The following ACTR3C variants were observed in gnomAD, a reference collection of about 807,000 sequenced individuals.
ACTR3C encodes actin related protein 3C.
Under a neutral mutation model 26.3 loss-of-function variants are expected in ACTR3C, and 18 were observed. The ratio of observed to expected loss-of-function variants is 0.68; its 90% CI spans 0.47 to 1.01. The LOEUF is 1.01. ACTR3C is among the 50% of genes least tolerant of loss of function. ACTR3C has a pLI of 0.00. For missense variants in ACTR3C, 184 were observed against 250.7 expected, an observed-to-expected ratio of 0.73 and a Z score of 1.80; for synonymous variants, 55 against 94.5, an observed-to-expected ratio of 0.58 and a Z score of 2.42.
the ACTR3C span, among the ~76,000 whole-genome samples, chr7:150,009,492 A>C: frequency 6.6e-6 from 1 of 152,234 alleles, no homozygotes; most frequent in African/African-American, 2.4e-5. Flanking sequence ...ATGTGTGTCT[A>C]TATGTCTGTA....
the ACTR3C span, among the ~76,000 whole-genome samples, chr7:150,196,024 T>C: frequency 1.3e-5 from 2 of 152,260 alleles, no homozygotes; most frequent in African/African-American, 4.8e-5. Context: ...TCTCCTATTT[T>C]GTTCTTCAGC....
the ACTR3C span, among the ~76,000 whole-genome samples, chr7:150,161,252 A>C: frequency 7.7e-6 from 1 of 130,392 alleles, no homozygotes; most frequent in Admixed American, 7.8e-5. Context: ...TCTAGGGTAC[A>C]TGTGCACAAC....
chr7:150,026,941 T>C, the ACTR3C span, among the ~76,000 whole-genome samples: 20 of 152,230 alleles, frequency 1.3e-4, 1 homozygote, highest in Admixed American at 7.8e-4. Flanking sequence ...AACTATCTTC[T>C]GAGAAATAAA....
the ACTR3C span, among the ~76,000 whole-genome samples, chr7:150,228,360 A>T: frequency 1.8e-4 from 28 of 152,336 alleles, no homozygotes; most frequent in Admixed American, 1.7e-3. Context: ...AGGGTTAATT[A>T]TAGCCCCTCA....
the ACTR3C span, among the ~76,000 whole-genome samples, chr7:150,235,767 T>C: frequency 2.6e-5 from 4 of 152,066 alleles, no homozygotes; most frequent in East Asian, 5.8e-4. Context: ...AAAGAATGGA[T>C]ATCTGAGAAT....
chr7:149,945,672 A>C, the ACTR3C span, among the ~76,000 whole-genome samples: 1 of 152,076 alleles, frequency 6.6e-6, no homozygotes, highest in African/African-American at 2.4e-5. Flanking sequence ...GGGCGGGCAG[A>C]AGCAATCAGG....
chr7:150,092,554 T>G, the ACTR3C span, among the ~76,000 whole-genome samples: 1 of 149,596 alleles, frequency 6.7e-6, no homozygotes, highest in Non-Finnish European at 1.5e-5. Flanking sequence ...AACAATACAA[T>G]GTCAGTAAAA....
the ACTR3C span, among the ~76,000 whole-genome samples, chr7:149,910,863 G>T: frequency 6.6e-6 from 1 of 151,710 alleles, no homozygotes; most frequent in South Asian, 2.1e-4. Flanking sequence ...AAACAAGTCA[G>T]CTCCCCTCAA....
At chr7:150,231,374 C>T in the ACTR3C span, among the ~76,000 whole-genome samples, 1 of 151,858 alleles carries the variant, frequency 6.6e-6, no homozygotes, top group East Asian at 1.9e-4. Context: ...TGGATGAGCA[C>T]ATTCTCACTC....
At chr7:149,927,556 C>T in the ACTR3C span, among the ~76,000 whole-genome samples, 3 of 151,936 alleles carry the variant, frequency 2.0e-5, no homozygotes, top group African/African-American at 4.8e-5. Context: ...TGGAGAAACC[C>T]CGTCTCTATT....
At chr7:150,199,699 AAAT>A in the ACTR3C span, among the ~76,000 whole-genome samples, 6 of 143,600 alleles carry the variant, frequency 4.2e-5, 1 homozygote, top group South Asian at 1.3e-3. Flanking sequence ...AAAAAAAAAA[AAAT>A]AAATGTCATA....
At chr7:150,023,356 A>AT in the ACTR3C span, among the ~76,000 whole-genome samples, 1 of 78,014 alleles carries the variant, frequency 1.3e-5, no homozygotes, top group Non-Finnish European at 2.5e-5. Flanking sequence ...TTTTAGAGAC[A>AT]GAGTTTCACT....
the ACTR3C span, among the ~76,000 whole-genome samples, chr7:149,938,530 A>C: frequency 6.6e-6 from 1 of 152,210 alleles, no homozygotes; most frequent in Non-Finnish European, 1.5e-5. Context: ...AGGCTGAAAA[A>C]TAAAGGTGAG....
At chr7:150,210,729 G>A in the ACTR3C span, among the ~76,000 whole-genome samples, 1 of 149,750 alleles carries the variant, frequency 6.7e-6, no homozygotes, top group Non-Finnish European at 1.5e-5. Flanking sequence ...ATGGAAAAAG[G>A]TAGTGGAATT....
At chr7:150,083,373 C>A in the ACTR3C span, among the ~76,000 whole-genome samples, 10 of 151,986 alleles carry the variant, frequency 6.6e-5, no homozygotes, top group Non-Finnish European at 1.5e-4. Flanking sequence ...TCAAGCTCAG[C>A]CAGGGCAACA....
At chr7:150,198,050 T>C in the ACTR3C span, among the ~76,000 whole-genome samples, 1,114 of 151,440 alleles carry the variant, frequency 7.4e-3, 18 homozygotes, top group Non-Finnish European at 0.011. Context: ...TTCGCTGTGT[T>C]GGCCGGGCCG....
chr7:150,033,754 TG>T, the ACTR3C span, among the ~76,000 whole-genome samples: 1 of 124,022 alleles, frequency 8.1e-6, no homozygotes, highest in Non-Finnish European at 1.7e-5. Context: ...CCCACCCTCG[TG>T]GGGGGTGCTT....
chr7:150,009,207 C>T, the ACTR3C span, among the ~76,000 whole-genome samples: 1 of 152,224 alleles, frequency 6.6e-6, no homozygotes, highest in African/African-American at 2.4e-5. Flanking sequence ...GGGGCAGGTG[C>T]TGTGCCACGA....
At chr7:150,187,509 G>A in the ACTR3C span, among the ~76,000 whole-genome samples, 1 of 131,578 alleles carries the variant, frequency 7.6e-6, no homozygotes, top group South Asian at 2.7e-4. Context: ...TTTCACTAAT[G>A]TTCTTTTTCT....
Sources: allele counts gnomAD v4.1 joint callset (sites outside exome capture counted in the v4.1 genomes callset), GRCh38; gene constraint gnomAD v4.1.1; transcripts MANE v1.5; gene names NCBI Gene and HGNC (gene_info 2026-07-23, HGNC 2026-07-21).